SLC26A8: variants seen among roughly 807,000 people sequenced by gnomAD.
The protein encoded by SLC26A8 is solute carrier family 26 member 8.
SLC26A8 carries 70 observed loss-of-function variants against 105.0 expected under a neutral mutation model. The ratio of observed to expected loss-of-function variants is 0.67; its 90% confidence interval spans 0.55 to 0.81. The LOEUF (loss-of-function observed/expected upper bound fraction) is 0.81. Ranked by LOEUF, SLC26A8 falls within the 40% of genes least tolerant of loss-of-function variation. The pLI, the probability that SLC26A8 is intolerant of heterozygous loss-of-function variation, is 0.00. For missense variants in SLC26A8, 998 were observed against 1,181.8 expected (o/e 0.84, Z 2.28); for synonymous variants, 415 against 438.3 (o/e 0.95, Z 0.66).
intron 9 of SLC26A8, 70 bp from the exon 10 acceptor site, chr6:35,975,558 T>A: frequency 1.2e-6 from 1 of 836,348 alleles, no homozygotes; most frequent in Non-Finnish European, 1.9e-6. Context: ...GTTGAAGGCA[T>A]ATGGTTTTTT....
chr6:35,995,675 T>C (rs1481948692), intron 5 of SLC26A8, among the ~76,000 whole-genome samples: 1 of 152,018 alleles, frequency 6.6e-6, no homozygotes, highest in Non-Finnish European at 1.5e-5. Context: ...AGCTATTTTT[T>C]TTTTTTATTT....
intron 9 of SLC26A8, among the ~76,000 whole-genome samples, chr6:35,976,316 C>T (rs182184056): frequency 1.6e-3 from 240 of 151,450 alleles, no homozygotes; most frequent in Middle Eastern, 3.4e-3. Context: ...CCCAGCTACT[C>T]GGGTGGCTGA....
intron 17 of SLC26A8, among the ~76,000 whole-genome samples, chr6:35,953,314 G>A (rs1771943944): frequency 6.6e-6 from 1 of 152,126 alleles, no homozygotes; most frequent in Non-Finnish European, 1.5e-5. Flanking sequence ...AAAAGAGGAG[G>A]AGCAAGGGAG....
intron 10 of SLC26A8, among the ~76,000 whole-genome samples, chr6:35,970,215 T>G (rs1772733963): frequency 6.6e-6 from 1 of 152,106 alleles, no homozygotes; most frequent in Non-Finnish European, 1.5e-5. Context: ...ATTCTCTAAT[T>G]TTTCTCTGTA....
At chr6:35,950,468 G>A (rs966912283) in intron 19 of SLC26A8, among the ~76,000 whole-genome samples, 2 of 151,862 alleles carry the variant, frequency 1.3e-5, no homozygotes, top group African/African-American at 4.8e-5. Context: ...TGTAGTTCTA[G>A]TAGAGAAGGA....
chr6:35,982,515 A>G (rs1489348605), intron 7 of SLC26A8, among the ~76,000 whole-genome samples: 1 of 152,178 alleles, frequency 6.6e-6, no homozygotes, highest in Admixed American at 6.6e-5. Context: ...TCTTGTTTTA[A>G]TATTTAATAT....
chr6:35,955,731 C>T (rs992806395), intron 16 of SLC26A8, among the ~76,000 whole-genome samples: 1 of 152,170 alleles, frequency 6.6e-6, no homozygotes, highest in Non-Finnish European at 1.5e-5. Flanking sequence ...ATCTTCACCA[C>T]CCACGACACC....
chr6:35,991,713 A>G lies in SLC26A8; in HGVS notation c.888T>C (p.Cys296=). 1 of 1,606,248 alleles carries G rather than the reference A, an allele frequency of 6.2e-7. No individual in the cohort carries two copies. The highest frequency in any genetic ancestry group is 1.7e-4 in the Middle Eastern group (1 of 6,032). Residue 296 remains cysteine (C), a synonymous_variant, in exon 7 of 20, where the codon TGT becomes TGC. Coordinates refer to ENST00000490799, the MANE Select transcript of SLC26A8 (RefSeq NM_052961.4). ...GATACTGATTGAAAGAAATTCTGATACATTTGTTGATTCGCAGAGCAACAA... is the reference window on the plus strand; with the variant it reads ...GATACTGATTGAAAGAAATTCTGATGCATTTGTTGATTCGCAGAGCAACAA... ...TVVVALRINK[C]IRISFNQYPI...
intron 7 of SLC26A8, among the ~76,000 whole-genome samples, chr6:35,991,094 C>T (rs11965835): frequency 0.12 from 17,651 of 151,892 alleles, 1,069 homozygotes; most frequent in Middle Eastern, 0.15. Flanking sequence ...GGCTGCAAGG[C>T]GAAAACAATT....
chr6:35,983,733 T>G (rs1352733137), intron 7 of SLC26A8, among the ~76,000 whole-genome samples: 2 of 151,978 alleles, frequency 1.3e-5, no homozygotes, highest in Non-Finnish European at 2.9e-5. Flanking sequence ...TTGTATTTTT[T>G]TAGTAGAGAT....
chr6:36,006,201 C>T (rs1379488135), intron 3 of SLC26A8, among the ~76,000 whole-genome samples: 3 of 152,122 alleles, frequency 2.0e-5, no homozygotes, highest in Non-Finnish European at 4.4e-5. Flanking sequence ...TTTACTGCAG[C>T]CTCTGCCTTC....
At chr6:35,993,558 T>C (rs1365584351) in intron 5 of SLC26A8, among the ~76,000 whole-genome samples, 1 of 152,140 alleles carries the variant, frequency 6.6e-6, no homozygotes, top group East Asian at 1.9e-4. Context: ...AATATGCATA[T>C]GTAAAATTTA....
At position 35,998,560 on chromosome 6, in the gene SLC26A8, A is replaced by G. The variant is rs1761426600; in HGVS notation, c.446-641T>C. Among the ~76,000 whole-genome samples, 4 of 151,780 alleles carry G rather than the reference A, an allele frequency of 2.6e-5. No homozygotes were observed. The South Asian group carries it at 6.2e-4, about 24-fold the overall frequency. On this transcript the variant is annotated intron_variant, in intron 4 of 19. Transcript: ENST00000490799. Reference sequence around the variant, plus strand: ...ACAAGAGCGAAACTCCATCTCAAAAAAAAAAAAAGAAAAGAAAAGAAAAGA... The same window carrying G: ...ACAAGAGCGAAACTCCATCTCAAAAGAAAAAAAAGAAAAGAAAAGAAAAGA...
chr6:35,988,549 C>T (rs1440098416), intron 7 of SLC26A8, among the ~76,000 whole-genome samples: 1 of 151,858 alleles, frequency 6.6e-6, no homozygotes, highest in African/African-American at 2.4e-5. Context: ...GAAGGAGAAT[C>T]GCTTGAATCT....
intron 3 of SLC26A8, among the ~76,000 whole-genome samples, chr6:36,006,545 A>G (rs189033714): frequency 6.6e-6 from 1 of 152,284 alleles, no homozygotes; most frequent in Non-Finnish European, 1.5e-5. Context: ...ATGACTTTTT[A>G]ATTTAGCAAT....
chr6:36,014,259 C>T (rs373318591), intron 2 of SLC26A8, among the ~76,000 whole-genome samples: 11 of 152,140 alleles, frequency 7.2e-5, no homozygotes, highest in Non-Finnish European at 5.9e-5. Flanking sequence ...CCACCCAAGG[C>T]AAAGTCATCA....
At chr6:35,985,432 T>G (rs71569316) in intron 7 of SLC26A8, among the ~76,000 whole-genome samples, 1 of 151,936 alleles carries the variant, frequency 6.6e-6, no homozygotes, top group Non-Finnish European at 1.5e-5. Context: ...TGGTGGCTCA[T>G]GCCTGTAATC....
At chr6:35,986,816 T>C (rs1773543201) in intron 7 of SLC26A8, among the ~76,000 whole-genome samples, 1 of 152,242 alleles carries the variant, frequency 6.6e-6, no homozygotes, top group African/African-American at 2.4e-5. Context: ...AATCATTTTT[T>C]GTTACATGTC....
chr6:35,991,533 T>C, intron 7 of SLC26A8, 126 bp downstream of exon 7: 2 of 643,230 alleles, frequency 3.1e-6, no homozygotes, highest in East Asian at 3.4e-5. Context: ...AAAACAAGCA[T>C]GTTTTCACAA....
Sources: allele counts gnomAD v4.1 joint callset (sites outside exome capture counted in the v4.1 genomes callset), GRCh38; gene constraint gnomAD v4.1.1; transcripts MANE v1.5; gene names NCBI Gene and HGNC (gene_info 2026-07-23, HGNC 2026-07-21).